CEP128: variants seen among roughly 807,000 people sequenced by gnomAD.
The protein encoded by CEP128 is centrosomal protein 128kDa.
CEP128 carries 132 observed loss-of-function variants against 156.7 expected under a neutral mutation model. The observed-to-expected ratio is 0.84, with a 90% confidence interval of 0.73 to 0.97. The LOEUF (loss-of-function observed/expected upper bound fraction) is 0.97. Ranked by LOEUF, CEP128 falls within the 50% of genes least tolerant of loss-of-function variation. The probability of loss-of-function intolerance (pLI) is 0.00; values close to 1 mark genes in which losing one functional copy is unlikely to be tolerated. For missense variants in CEP128, 1,252 were observed against 1,281.9 expected, an observed-to-expected ratio of 0.98 and a Z score of 0.36; for synonymous variants, 469 against 448.9, an observed-to-expected ratio of 1.04 and a Z score of -0.57.
At chr14:80,605,334 T>C (rs750062558) in intron 19 of CEP128, among the ~76,000 whole-genome samples, 2 of 152,080 alleles carry the variant, frequency 1.3e-5, no homozygotes, top group African/African-American at 4.8e-5. Context: ...TAAAACCTTT[T>C]AGGAATCCAA....
chr14:80,884,856 T>A lies in CEP128; in HGVS notation c.645+10862A>T, dbSNP rs771403681. Reference sequence around the variant, plus strand: ...GGGCTGAAGCCAGGGAGCCAAGTGGTCTCACTCAGCGGGTCCCACTCCCAC... The same window carrying A: ...GGGCTGAAGCCAGGGAGCCAAGTGGACTCACTCAGCGGGTCCCACTCCCAC... On this transcript the variant is annotated intron_variant, in intron 8 of 24. Coordinates refer to ENST00000555265, the MANE Select transcript of CEP128 (RefSeq NM_152446.5). 7.9e-5 allele frequency among the ~76,000 whole-genome samples: 12 copies of A among 152,064 alleles called. No homozygotes were observed. In the South Asian group the frequency reaches 2.1e-3, roughly 26 times the overall value.
At chr14:80,926,446 T>C (rs1885150315) in intron 2 of CEP128, among the ~76,000 whole-genome samples, 1 of 152,094 alleles carries the variant, frequency 6.6e-6, no homozygotes, top group African/African-American at 2.4e-5. Context: ...CCCTGGAACA[T>C]TACCCCTGCG....
intron 8 of CEP128, among the ~76,000 whole-genome samples, chr14:80,891,355 A>G (rs1010577566): frequency 6.6e-6 from 1 of 152,150 alleles, no homozygotes; most frequent in African/African-American, 2.4e-5. Context: ...TTTATACACA[A>G]TGGAGTACTA....
At chr14:80,866,461 C>T (rs1430660917) in intron 8 of CEP128, among the ~76,000 whole-genome samples, 1 of 152,134 alleles carries the variant, frequency 6.6e-6, no homozygotes, top group Non-Finnish European at 1.5e-5. Flanking sequence ...GCTCCAGGCT[C>T]AAACTCATAA....
In CEP128 at chr14:80,906,086, T is replaced by C. The variant is rs1883871632; in HGVS notation, c.235-5A>G. 6.3e-7 allele frequency: 1 copy of C among 1,584,910 alleles called. No homozygotes were observed. The highest frequency in any genetic ancestry group is 2.3e-5 in the East Asian group (1 of 44,244). ...TTGTTCCAAGCTTTCTTTTAACTAA[T>C]TTAAAGAATATAATGAATGAAGCGT... On this transcript the variant is annotated splice_region_variant and splice_polypyrimidine_tract_variant and intron_variant, in intron 4 of 24. Coordinates refer to ENST00000555265, the MANE Select transcript of CEP128 (RefSeq NM_152446.5).
At chr14:80,578,775 G>T (rs896122316) in intron 20 of CEP128, among the ~76,000 whole-genome samples, 25 of 152,126 alleles carry the variant, frequency 1.6e-4, no homozygotes, top group African/African-American at 5.8e-4. Context: ...TAACATTAAA[G>T]GCTTTCTGTG....
intron 8 of CEP128, among the ~76,000 whole-genome samples, chr14:80,877,740 T>C (rs1341125533): frequency 6.6e-6 from 1 of 152,144 alleles, no homozygotes; most frequent in Non-Finnish European, 1.5e-5. Context: ...CTTCAGTCAC[T>C]GCATATCCCC....
At chr14:80,750,878 A>T (rs146618664) in intron 18 of CEP128, among the ~76,000 whole-genome samples, 64 of 152,308 alleles carry the variant, frequency 4.2e-4, no homozygotes, top group African/African-American at 1.4e-3. Flanking sequence ...GTGTGACTGT[A>T]TTTGGAGATG....
intron 17 of CEP128, among the ~76,000 whole-genome samples, chr14:80,760,388 A>G (rs1899899204): frequency 6.6e-6 from 1 of 152,116 alleles, no homozygotes; most frequent in Non-Finnish European, 1.5e-5. Context: ...CTGCAAGAGA[A>G]TTAGTTATAT....
At chr14:80,790,301 A>G (rs371854018) in intron 14 of CEP128, among the ~76,000 whole-genome samples, 24 of 152,170 alleles carry the variant, frequency 1.6e-4, no homozygotes, top group African/African-American at 4.8e-4. Context: ...TATGAAAAAA[A>G]ATGGAAACAT....
chr14:80,537,727 C>T (rs1340805910), intron 21 of CEP128, among the ~76,000 whole-genome samples: 1 of 151,986 alleles, frequency 6.6e-6, no homozygotes, highest in Non-Finnish European at 1.5e-5. Context: ...CAGTATAAGC[C>T]AAGGTTTCCT....
intron 13 of CEP128, among the ~76,000 whole-genome samples, chr14:80,807,501 C>G (rs1401016834): frequency 6.6e-6 from 1 of 152,114 alleles, no homozygotes; most frequent in Non-Finnish European, 1.5e-5. Flanking sequence ...ACACCAGGGG[C>G]TAACAAGGTA....
chr14:80,830,016 C>T (rs1021979496), intron 13 of CEP128: 11 of 332,814 alleles, frequency 3.3e-5, no homozygotes, highest in African/African-American at 1.1e-4. Flanking sequence ...GATTTTTCTA[C>T]CTTTTAGATC....
intron 23 of CEP128, among the ~76,000 whole-genome samples, chr14:80,519,455 C>T (rs1280924270): frequency 6.6e-6 from 1 of 152,104 alleles, no homozygotes; most frequent in Non-Finnish European, 1.5e-5. Flanking sequence ...TTTAATTTGT[C>T]CAGCCCTTCC....
At chr14:80,922,977 C>T (rs150995014) in intron 2 of CEP128, among the ~76,000 whole-genome samples, 12 of 152,300 alleles carry the variant, frequency 7.9e-5, no homozygotes, top group African/African-American at 2.2e-4. Context: ...TTCTTATTAA[C>T]AAGAAAGCAA....
At position 80,573,114 on chromosome 14, in the gene CEP128, G is replaced by A. The variant is rs536680405; in HGVS notation, c.2856+7260C>T. 1.5e-4 allele frequency among the ~76,000 whole-genome samples: 23 copies of A among 150,298 alleles called. 1 individual carries two copies. In the South Asian group the frequency reaches 2.1e-3, roughly 14 times the overall value. ...ATTTTTTTTTTTTTTTAGTAGAGAC[G>A]GGGTTTCACCATGTTGGTCAGGCTG... On this transcript the variant is annotated intron_variant, in intron 20 of 24. Coordinates refer to ENST00000555265, the MANE Select transcript of CEP128 (RefSeq NM_152446.5).
rs1486270349 is a variant in CEP128 at position 80,656,321 on chromosome 14, A to ATTT, written c.2807-75899_2807-75898insAAA. Among the ~76,000 whole-genome samples the ATTT allele has an allele frequency of 1.1e-3, 26 of 22,890 alleles. 1 individual carries two copies. The highest frequency in any genetic ancestry group is 2.3e-3 in the African/African-American group (11 of 4,712). 15.0% of individuals were successfully genotyped at this position (22,890 alleles called of 152,430 possible). A position where few individuals can be genotyped will look rare whatever the true frequency, so the allele number is the denominator to read the frequency against. The stretch of plus-strand genomic sequence containing the variant: ...TATATATATATATATATATATATAT[A>ATTT]TATATATATATATATATATAGCAAT... On this transcript the variant is annotated intron_variant, in intron 19 of 24. Transcript: ENST00000555265.
chr14:80,917,338 G>A (rs908530631), intron 2 of CEP128, among the ~76,000 whole-genome samples: 4 of 152,144 alleles, frequency 2.6e-5, no homozygotes, highest in African/African-American at 4.8e-5. Flanking sequence ...AACTAAGTAA[G>A]TTCAGAACAA....
intron 20 of CEP128, among the ~76,000 whole-genome samples, chr14:80,572,089 T>G (rs1051877977): frequency 6.6e-6 from 1 of 152,206 alleles, no homozygotes; most frequent in Non-Finnish European, 1.5e-5. Context: ...ACCATCACCC[T>G]TTGGGCTGAT....
Sources: gnomAD v4.1 joint callset for allele counts (sites outside exome capture counted in the v4.1 genomes callset) on GRCh38, gnomAD v4.1.1 for gene constraint, MANE v1.5 for transcripts, NCBI Gene and HGNC (gene_info 2026-07-23, HGNC 2026-07-21) for gene names.